Variants in JPH3 observed in about 807,000 individuals in gnomAD.
JPH3 encodes junctophilin 3.
JPH3 carries 11 observed loss-of-function variants against 59.6 expected under a neutral mutation model. The ratio of observed to expected loss-of-function variants is 0.18; its 90% CI spans 0.12 to 0.31. The LOEUF is 0.31. Among genes scored for constraint, JPH3 ranks in the 10% least tolerant of loss-of-function variants. The probability of loss-of-function intolerance (pLI) is 1.00; values close to 1 mark genes in which losing one functional copy is unlikely to be tolerated. For synonymous variants in JPH3, 673 were observed against 483.6 expected, an observed-to-expected ratio of 1.39 and a Z score of -5.14; for missense variants, 1,202 against 1,105.7, an observed-to-expected ratio of 1.09 and a Z score of -1.24.
chr16:87,685,554 G>A (rs192445125), intron 3 of JPH3, among the ~76,000 whole-genome samples: 54 of 152,368 alleles, frequency 3.5e-4, no homozygotes, highest in African/African-American at 1.2e-3. Flanking sequence ...TAGCGTGCAC[G>A]TGCATGTGGG....
upstream of JPH3, chr16:87,602,071 C>T (rs1427482131): frequency 2.5e-5 from 3 of 122,416 alleles, no homozygotes; most frequent in Non-Finnish European, 3.5e-5. Flanking sequence ...CCGAGCCCGG[C>T]GGGAGGGGCG....
intron 4 of JPH3, among the ~76,000 whole-genome samples, chr16:87,692,982 C>T (rs2033642831): frequency 6.6e-6 from 1 of 152,212 alleles, no homozygotes; most frequent in South Asian, 2.1e-4. Context: ...GAACTTTGCA[C>T]CAGGGGTGGC....
upstream of JPH3, chr16:87,602,076 G>A (rs1475113449): frequency 6.6e-6 from 1 of 152,448 alleles, no homozygotes; most frequent in Non-Finnish European, 1.5e-5. Context: ...CCCGGCGGGA[G>A]GGGCGAGGCG....
At chr16:87,690,693 C>A (rs1196148181) in intron 4 of JPH3, among the ~76,000 whole-genome samples, 167 bp downstream of exon 4, 1 of 152,294 alleles carries the variant, frequency 6.6e-6, no homozygotes, top group East Asian at 1.9e-4. Context: ...GTCGCTGGGA[C>A]CCTCCCCTAG....
At chr16:87,687,819 A>G (rs990081085) in intron 3 of JPH3, among the ~76,000 whole-genome samples, 22 of 151,974 alleles carry the variant, frequency 1.4e-4, no homozygotes, top group African/African-American at 4.8e-4. Context: ...TGGGTGGACG[A>G]CCTGGTGGGA....
intron 1 of JPH3, among the ~76,000 whole-genome samples, chr16:87,637,838 G>A (rs563737317): frequency 3.3e-5 from 5 of 152,260 alleles, no homozygotes; most frequent in African/African-American, 1.2e-4. Flanking sequence ...GCTCCAGTTG[G>A]GGGTGTGACC....
At chr16:87,677,208 ACACACACACACACACAC>A (rs2033168180) in intron 2 of JPH3, among the ~76,000 whole-genome samples, 3 of 120,732 alleles carry the variant, frequency 2.5e-5, no homozygotes, top group Non-Finnish European at 5.0e-5. Flanking sequence ...ACACACACAC[ACACACACACACACACAC>A]AAAAAAAAAA....
At chr16:87,661,862 C>T (rs556803053) in intron 2 of JPH3, among the ~76,000 whole-genome samples, 1 of 152,228 alleles carries the variant, frequency 6.6e-6, no homozygotes. Flanking sequence ...AGGGCCTTGG[C>T]CCCCAGCAGG....
chr16:87,689,979 G>T lies in JPH3; in HGVS notation c.1619G>T (p.Arg540Met). The change falls in exon 4 of 5, where the codon AGG becomes ATG. Residue 540 changes from arginine (R) to methionine (M), a missense_variant. Arg to Met is a moderately conservative substitution (Grantham distance 91, BLOSUM62 -1). Coordinates refer to ENST00000284262, the MANE Select transcript of JPH3 (RefSeq NM_020655.4). ...GGCGAGGAGCAGGCCGGGGGCTCCAGGGGTGTCCGCAGCGGTGCCCTGCGC... is the reference window on the plus strand; with the variant it reads ...GGCGAGGAGCAGGCCGGGGGCTCCATGGGTGTCCGCAGCGGTGCCCTGCGC... ...SWGEEQAGGS[R>M]GVRSGALRGG... The T allele has an allele frequency of 1.4e-6, 2 of 1,471,952 alleles. No individual in the cohort carries two copies. Among genetic ancestry groups the T allele is most frequent in the Non-Finnish European group, 9.0e-7 (1 of 1,113,780 alleles). The allele number at this position is 1,471,952 out of a possible 1,614,324, so 91.2% of individuals were successfully genotyped here. A position where few individuals can be genotyped will look rare whatever the true frequency, so the allele number is the denominator to read the frequency against.
At chr16:87,681,726 T>C (rs8045429) in intron 2 of JPH3, among the ~76,000 whole-genome samples, 17,489 of 148,896 alleles carry the variant, frequency 0.12, 1,428 homozygotes, top group African/African-American at 0.18. Flanking sequence ...CAAGTGCATG[T>C]GGTCATAGTT....
chr16:87,691,324 G>C (rs1168055930), intron 4 of JPH3, among the ~76,000 whole-genome samples: 1 of 152,194 alleles, frequency 6.6e-6, no homozygotes, highest in Non-Finnish European at 1.5e-5. Flanking sequence ...GAAGGGCTGT[G>C]GGACGGTGGC....
intron 1 of JPH3, among the ~76,000 whole-genome samples, chr16:87,632,292 C>T (rs1413431518): frequency 1.3e-5 from 2 of 152,228 alleles, no homozygotes; most frequent in African/African-American, 2.4e-5. Context: ...GAGCACTTCC[C>T]TGGCAGTCCT....
chr16:87,621,721 G>C (rs2031193192), intron 1 of JPH3, among the ~76,000 whole-genome samples: 1 of 152,228 alleles, frequency 6.6e-6, no homozygotes, highest in Admixed American at 6.5e-5. Flanking sequence ...GGAACCACGG[G>C]GCAAGAGGGT....
chr16:87,623,744 C>T (rs766216517), intron 1 of JPH3, among the ~76,000 whole-genome samples: 4 of 152,298 alleles, frequency 2.6e-5, no homozygotes, highest in Non-Finnish European at 4.4e-5. Context: ...TCCCCCACAA[C>T]GCATGGGCCA....
intron 1 of JPH3, among the ~76,000 whole-genome samples, chr16:87,640,514 T>C (rs35610402): frequency 0.19 from 28,415 of 151,390 alleles, 3,131 homozygotes; most frequent in East Asian, 0.38. Flanking sequence ...CCTCAGCCTC[T>C]TGAGTACCTG....
In JPH3 at chr16:87,627,237, G is replaced by A. The variant is rs190045728; in HGVS notation, c.383-17021G>A. 3.4e-4 allele frequency among the ~76,000 whole-genome samples: 51 copies of A among 152,220 alleles called. No homozygotes were observed. In the East Asian group the frequency reaches 8.7e-3, roughly 26 times the overall value. On this transcript the variant is annotated intron_variant, in intron 1 of 4. Coordinates refer to ENST00000284262, the MANE Select transcript of JPH3 (RefSeq NM_020655.4). ...TGGAGGTTGTTAAACCCACGTTGTG[G>A]GGCCCCAGCCCCCAGTTCCTGATGC... is the stretch of plus-strand genomic sequence containing the variant.
rs574514212 is a variant in JPH3, at chr16:87,664,357, G to A, written c.1160+19322G>A. Among the ~76,000 whole-genome samples, 43 of 148,474 alleles carry A rather than the reference G, an allele frequency of 2.9e-4. No homozygotes were observed. The South Asian group carries it at 8.3e-3, about 29-fold the overall frequency. ...AAAAAAAAAAAAAATCATATGGCCC[G>A]TCAGGCGCGGTGGCTCACGCAGTTT... On this transcript the variant is annotated intron_variant, in intron 2 of 4. Coordinates refer to ENST00000284262, the MANE Select transcript of JPH3 (RefSeq NM_020655.4).
chr16:87,614,713 G>C (rs1176607119), intron 1 of JPH3, among the ~76,000 whole-genome samples: 2 of 144,944 alleles, frequency 1.4e-5, no homozygotes, highest in East Asian at 2.1e-4. Flanking sequence ...ATAAACTCTG[G>C]TCCCTGCACA....
intron 2 of JPH3, among the ~76,000 whole-genome samples, chr16:87,677,233 A>ACACACGC (rs59633665): frequency 1.5e-5 from 2 of 136,614 alleles, no homozygotes; most frequent in Non-Finnish European, 3.1e-5. Flanking sequence ...CACAAAAAAA[A>ACACACGC]AAATTAGCCG....
Sources: allele counts gnomAD v4.1 joint callset (sites outside exome capture counted in the v4.1 genomes callset), GRCh38; gene constraint gnomAD v4.1.1; transcripts MANE v1.5; gene names NCBI Gene and HGNC (gene_info 2026-07-23, HGNC 2026-07-21).